The following AFG2A variants were observed in gnomAD, a reference collection of about 807,000 sequenced individuals.
AFG2A encodes AAA ATPase AFG2A, also known as ATPase family gene 2 protein homolog A.
At chr4:123,201,712 A>G in the AFG2A span, among the ~76,000 whole-genome samples, 7 of 152,190 alleles carry the variant, frequency 4.6e-5, no homozygotes, top group African/African-American at 1.7e-4. Context: ...TGAATCCAGG[A>G]GTTCAATACC....
the AFG2A span, among the ~76,000 whole-genome samples, chr4:122,942,722 T>A: frequency 0.011 from 1,674 of 151,688 alleles, 49 homozygotes; most frequent in South Asian, 0.11. Context: ...TTTAATTGTG[T>A]TGTTAGGGTG....
the AFG2A span, among the ~76,000 whole-genome samples, chr4:123,276,273 A>T: frequency 6.6e-6 from 1 of 152,128 alleles, no homozygotes; most frequent in African/African-American, 2.4e-5. Context: ...TTGTTGCCAC[A>T]TGTATGTCTT....
the AFG2A span, among the ~76,000 whole-genome samples, chr4:123,214,223 T>G: frequency 6.6e-6 from 1 of 152,162 alleles, no homozygotes. Flanking sequence ...ACCAATGATT[T>G]ATAATATCAA....
chr4:122,979,166 G>A, the AFG2A span: 2 of 1,540,862 alleles, frequency 1.3e-6, no homozygotes. Context: ...GGCCACCGGA[G>A]CCATCAATTC....
the AFG2A span, among the ~76,000 whole-genome samples, chr4:122,974,838 C>T: frequency 2.0e-5 from 3 of 151,934 alleles, no homozygotes; most frequent in Admixed American, 2.0e-4. Context: ...CGTGGTTTCT[C>T]CATGTTGGTC....
At chr4:123,211,847 A>G in the AFG2A span, among the ~76,000 whole-genome samples, 28 of 152,152 alleles carry the variant, frequency 1.8e-4, no homozygotes, top group Non-Finnish European at 3.7e-4. Flanking sequence ...GCGAAGACAT[A>G]TATTTGTGAC....
the AFG2A span, among the ~76,000 whole-genome samples, chr4:123,144,093 G>A: frequency 6.6e-6 from 1 of 151,984 alleles, no homozygotes; most frequent in Non-Finnish European, 1.5e-5. Flanking sequence ...TATACCTGGG[G>A]AAAAGGCAGT....
the AFG2A span, among the ~76,000 whole-genome samples, chr4:123,108,450 C>A: frequency 6.6e-6 from 1 of 151,866 alleles, no homozygotes; most frequent in Non-Finnish European, 1.5e-5. Flanking sequence ...CAGACCAGTG[C>A]CTTGTATCAA....
At chr4:123,254,179 C>G in the AFG2A span, among the ~76,000 whole-genome samples, 1 of 152,064 alleles carries the variant, frequency 6.6e-6, no homozygotes, top group Admixed American at 6.5e-5. Flanking sequence ...TTAAAGGTAC[C>G]TTTTGAAGAG....
At chr4:123,313,920 G>A in the AFG2A span, 1 of 1,608,720 alleles carries the variant, frequency 6.2e-7, no homozygotes, top group Non-Finnish European at 8.5e-7. Flanking sequence ...CAGCTCTTCT[G>A]GCTCTGGAAG....
chr4:123,159,333 G>A, the AFG2A span, among the ~76,000 whole-genome samples: 3 of 152,128 alleles, frequency 2.0e-5, no homozygotes, highest in Admixed American at 2.0e-4. Context: ...TTTTAATAAA[G>A]CAGCCTGGGT....
chr4:123,070,868 T>A, the AFG2A span, among the ~76,000 whole-genome samples: 1 of 152,308 alleles, frequency 6.6e-6, no homozygotes, highest in Non-Finnish European at 1.5e-5. Context: ...TCCCAATGAG[T>A]ACTAGTCAAT....
chr4:123,228,988 T>C, the AFG2A span, among the ~76,000 whole-genome samples: 1 of 151,998 alleles, frequency 6.6e-6, no homozygotes, highest in African/African-American at 2.4e-5. Flanking sequence ...GTATGGTTCT[T>C]TATCCTTATG....
chr4:122,975,337 C>T, the AFG2A span, among the ~76,000 whole-genome samples: 4 of 152,050 alleles, frequency 2.6e-5, no homozygotes, highest in Non-Finnish European at 5.9e-5. Context: ...GCTGGAGACA[C>T]CTCTCATTAG....
the AFG2A span, among the ~76,000 whole-genome samples, chr4:123,145,970 A>T: frequency 6.6e-6 from 1 of 152,110 alleles, no homozygotes; most frequent in African/African-American, 2.4e-5. Flanking sequence ...TTTAGAACAT[A>T]TTTGTACTTC....
chr4:123,178,104 T>G, the AFG2A span, among the ~76,000 whole-genome samples: 1 of 152,198 alleles, frequency 6.6e-6, no homozygotes, highest in Non-Finnish European at 1.5e-5. Context: ...CTATAAAGCT[T>G]TGAAAATGCT....
At chr4:122,944,962 A>G in the AFG2A span, among the ~76,000 whole-genome samples, 3 of 152,046 alleles carry the variant, frequency 2.0e-5, no homozygotes, top group Non-Finnish European at 2.9e-5. Flanking sequence ...ATTTTCCTGA[A>G]CCGCGAATGC....
the AFG2A span, among the ~76,000 whole-genome samples, chr4:123,270,293 G>A: frequency 6.6e-6 from 1 of 152,164 alleles, no homozygotes. Context: ...CCATGAAAAT[G>A]TAAAAGATAA....
chr4:123,149,897 C>G, the AFG2A span, among the ~76,000 whole-genome samples: 2 of 147,712 alleles, frequency 1.4e-5, no homozygotes, highest in African/African-American at 2.6e-5. Context: ...CCTCCGTCTC[C>G]TAGGATCAAG....
Sources: gnomAD v4.1 joint callset for allele counts (sites outside exome capture counted in the v4.1 genomes callset) on GRCh38, gnomAD v4.1.1 for gene constraint, MANE v1.5 for transcripts, NCBI Gene and HGNC (gene_info 2026-07-23, HGNC 2026-07-21) for gene names.